GREB1L: variants seen among roughly 807,000 people sequenced by gnomAD.
GREB1L encodes GREB1 like retinoic acid receptor coactivator, also known as GREB1-like protein.
Under a neutral mutation model 200.8 loss-of-function variants are expected in GREB1L, and 17 were observed. That is an observed-to-expected ratio of 0.08 (90% confidence interval 0.06 to 0.13). The LOEUF (loss-of-function observed/expected upper bound fraction) is 0.13. Among genes scored for constraint, GREB1L ranks in the 10% least tolerant of loss-of-function variants. The pLI is 1.00. For missense variants in GREB1L, 1,657 were observed against 2,367.7 expected (o/e 0.70, Z 6.23); for synonymous variants, 789 against 893.0 (o/e 0.88, Z 2.08).
intron 1 of GREB1L, among the ~76,000 whole-genome samples, chr18:21,255,922 A>C (rs1366690395): frequency 6.6e-6 from 1 of 152,216 alleles, no homozygotes; most frequent in African/African-American, 2.4e-5. Flanking sequence ...TTGTCAATCT[A>C]TAGTATATTC....
intron 18 of GREB1L, among the ~76,000 whole-genome samples, chr18:21,488,829 A>G (rs1179719268): frequency 6.6e-6 from 1 of 151,786 alleles, no homozygotes; most frequent in Non-Finnish European, 1.5e-5. Flanking sequence ...GCTAATTTTT[A>G]TATTTTTAGT....
chr18:21,266,717 G>A (rs761600146), intron 1 of GREB1L, among the ~76,000 whole-genome samples: 1 of 152,170 alleles, frequency 6.6e-6, no homozygotes, highest in African/African-American at 2.4e-5. Flanking sequence ...CTAGCAATAA[G>A]AGACTTTGAA....
At chr18:21,345,376 A>G (rs1244006471) in intron 1 of GREB1L, among the ~76,000 whole-genome samples, 1 of 152,236 alleles carries the variant, frequency 6.6e-6, no homozygotes, top group African/African-American at 2.4e-5. Context: ...AGGAGGCTGC[A>G]GTAATCCTTG....
At position 21,298,970 on chromosome 18, in the gene GREB1L, A is replaced by G. The variant is rs550829410; in HGVS notation, c.-120+56577A>G. ...GTTGAGGAGGAATTGAGGGTGTAGG[A>G]AGGAAAGGCTAAAGAATCTTCAAAA... On this transcript the variant is annotated intron_variant, in intron 1 of 32. Coordinates refer to ENST00000424526, the MANE Select transcript of GREB1L (RefSeq NM_001142966.3). 2.6e-5 allele frequency among the ~76,000 whole-genome samples: 4 copies of G among 152,058 alleles called. No individual in the cohort carries two copies. In the South Asian group the frequency reaches 8.3e-4, roughly 32 times the overall value.
intron 4 of GREB1L, among the ~76,000 whole-genome samples, chr18:21,392,439 A>G (rs2040864371): frequency 1.3e-5 from 2 of 152,150 alleles, no homozygotes; most frequent in South Asian, 4.1e-4. Context: ...TTTAATGACT[A>G]TTTTCCAAAT....
rs1467124940 is a variant in GREB1L at position 21,524,666 on chromosome 18, GC to G, written c.*1847del. 1 of 152,094 alleles carries G rather than the reference GC, an allele frequency of 6.6e-6. No homozygotes were observed. Among genetic ancestry groups the G allele is most frequent in the Admixed American group, 6.6e-5 (1 of 15,250 alleles). 9.4% of individuals were successfully genotyped at this position (152,094 alleles called of 1,614,324 possible). A position where few individuals can be genotyped will look rare whatever the true frequency, so the allele number is the denominator to read the frequency against. On this transcript the variant is annotated 3_prime_UTR_variant, in exon 33 of 33. Coordinates refer to ENST00000424526, the MANE Select transcript of GREB1L (RefSeq NM_001142966.3). ...GAAACAATTGTACCTGGGGTGGATG[GC>G]CTCTCAGGGTTTCTTCTGGCTTTAT...
chr18:21,395,639 T>G, intron 5 of GREB1L, 78 bp downstream of exon 5: 1 of 1,041,904 alleles, frequency 9.6e-7, no homozygotes, highest in Non-Finnish European at 1.4e-6. Flanking sequence ...TACTGCAGAA[T>G]TTTAAAAAAT....
intron 18 of GREB1L, among the ~76,000 whole-genome samples, chr18:21,487,735 T>C (rs2036179568): frequency 6.6e-6 from 1 of 152,012 alleles, no homozygotes; most frequent in African/African-American, 2.4e-5. Context: ...GCGCGGTGGC[T>C]CATGCCTGTA....
intron 15 of GREB1L, among the ~76,000 whole-genome samples, chr18:21,461,922 G>A (rs1955601509): frequency 1.3e-5 from 2 of 152,180 alleles, no homozygotes; most frequent in Non-Finnish European, 2.9e-5. Flanking sequence ...CCATGTTCCA[G>A]AAATCTACTT....
At chr18:21,346,798 T>C (rs532098819) in intron 1 of GREB1L, among the ~76,000 whole-genome samples, 1 of 152,320 alleles carries the variant, frequency 6.6e-6, no homozygotes, top group South Asian at 2.1e-4. Flanking sequence ...CTGCCATCAA[T>C]GTGTGGCTTC....
intron 4 of GREB1L, among the ~76,000 whole-genome samples, chr18:21,395,084 C>T (rs1244190275): frequency 8.0e-5 from 10 of 124,608 alleles, no homozygotes; most frequent in Non-Finnish European, 1.6e-4. Flanking sequence ...CCAGCCTGGG[C>T]GACAGGGCGA....
intron 7 of GREB1L, among the ~76,000 whole-genome samples, chr18:21,430,492 C>T (rs2033051493): frequency 7.0e-6 from 1 of 142,946 alleles, no homozygotes; most frequent in Admixed American, 7.0e-5. Flanking sequence ...TTATTCCTTT[C>T]TTCTTCTTTC....
chr18:21,442,584 TATCCTCTCC>T (rs1158231118), intron 10 of GREB1L, among the ~76,000 whole-genome samples: 2 of 152,216 alleles, frequency 1.3e-5, no homozygotes, highest in African/African-American at 4.8e-5. Context: ...ACAGAGGGAC[TATCCTCTCC>T]ATCAACCACC....
chr18:21,378,934 A>G (rs1356661380), intron 2 of GREB1L, among the ~76,000 whole-genome samples: 2 of 151,592 alleles, frequency 1.3e-5, no homozygotes, highest in Admixed American at 6.6e-5. Context: ...CTATGGCACA[A>G]TCATAGCTCA....
chr18:21,449,876 A>G (rs769885828), intron 12 of GREB1L, 40 bp downstream of exon 12: 19 of 1,381,830 alleles, frequency 1.4e-5, no homozygotes, highest in Non-Finnish European at 1.7e-5. Flanking sequence ...TAATCAATTC[A>G]TTCGACCATT....
intron 2 of GREB1L, among the ~76,000 whole-genome samples, chr18:21,381,684 G>C (rs1346312066): frequency 6.6e-6 from 1 of 152,154 alleles, no homozygotes; most frequent in South Asian, 2.1e-4. Flanking sequence ...GTGAATCAGA[G>C]TCAAAAAGAC....
chr18:21,378,734 C>T lies in GREB1L; in HGVS notation c.-9-4776C>T, dbSNP rs536259853. Among the ~76,000 whole-genome samples, 9 of 152,238 alleles carry T rather than the reference C, an allele frequency of 5.9e-5. No individual in the cohort carries two copies. In the East Asian group the frequency reaches 1.5e-3, roughly 26 times the overall value. On this transcript the variant is annotated intron_variant, in intron 2 of 32. Coordinates refer to ENST00000424526, the MANE Select transcript of GREB1L (RefSeq NM_001142966.3). ...TTATTTGGAATAGAGTCAGCTAATT[C>T]CTTTTATTCTACCAAGTCTCAGCAG...
At chr18:21,420,814 C>A (rs2144865352) in intron 7 of GREB1L, among the ~76,000 whole-genome samples, 1 of 152,232 alleles carries the variant, frequency 6.6e-6, no homozygotes, top group East Asian at 1.9e-4. Flanking sequence ...AAAATAAAAT[C>A]CATACAAACA....
chr18:21,358,305 C>T (rs1293704491), intron 1 of GREB1L, among the ~76,000 whole-genome samples: 1 of 151,726 alleles, frequency 6.6e-6, no homozygotes, highest in Non-Finnish European at 1.5e-5. Context: ...ATTGTATGTT[C>T]TCTTTATTTA....
Sources: allele counts gnomAD v4.1 joint callset (sites outside exome capture counted in the v4.1 genomes callset), GRCh38; gene constraint gnomAD v4.1.1; transcripts MANE v1.5; gene names NCBI Gene and HGNC (gene_info 2026-07-23, HGNC 2026-07-21).